Variants in MB21D2 observed in about 807,000 individuals in gnomAD.
MB21D2 encodes the protein nucleotidyltransferase MB21D2.
In MB21D2, 9 loss-of-function variants were observed where a neutral mutation model predicts 33.3. The ratio of observed to expected loss-of-function variants is 0.27; its 90% CI spans 0.16 to 0.47. The LOEUF is 0.47. MB21D2 is among the 20% of genes least tolerant of loss of function. MB21D2 has a pLI of 0.99. For missense variants in MB21D2, 540 were observed against 624.6 expected, an observed-to-expected ratio of 0.86 and a Z score of 1.44; for synonymous variants, 241 against 236.3, an observed-to-expected ratio of 1.02 and a Z score of -0.18.
At chr3:192,912,468 A>T (rs1714377599) in intron 1 of MB21D2, among the ~76,000 whole-genome samples, 1 of 152,168 alleles carries the variant, frequency 6.6e-6, no homozygotes. Context: ...CAGGAGTTCT[A>T]GACCAGCCTT....
intron 1 of MB21D2, among the ~76,000 whole-genome samples, chr3:192,900,269 A>G: frequency 7.1e-6 from 1 of 140,760 alleles, no homozygotes; most frequent in South Asian, 2.4e-4. Flanking sequence ...TGGGTGACAG[A>G]GCAAGACTCT....
intron 1 of MB21D2, among the ~76,000 whole-genome samples, chr3:192,808,621 G>A (rs1711716242): frequency 6.6e-6 from 1 of 152,202 alleles, no homozygotes; most frequent in Non-Finnish European, 1.5e-5. Context: ...CAGCAGGGAT[G>A]GAGTCTCAGT....
chr3:192,815,466 T>C (rs151244844), intron 1 of MB21D2, among the ~76,000 whole-genome samples: 64 of 152,330 alleles, frequency 4.2e-4, no homozygotes, highest in Admixed American at 2.1e-3. Context: ...TGTTTAGCAA[T>C]GTTGAAATGC....
intron 1 of MB21D2, among the ~76,000 whole-genome samples, chr3:192,878,081 C>CTTTTTTTTTTTTTTTTTTTTTT (rs11294126): frequency 1.2e-4 from 14 of 119,534 alleles, no homozygotes; most frequent in Non-Finnish European, 1.8e-4. Context: ...AATTCCTCCT[C>CTTTTTTTTTTTTTTTTTTTTTT]TTTTTTTTTT....
chr3:192,839,197 C>T (rs9881181), intron 1 of MB21D2, among the ~76,000 whole-genome samples: 2 of 151,968 alleles, frequency 1.3e-5, no homozygotes, highest in African/African-American at 4.8e-5. Flanking sequence ...TACTAGCATG[C>T]TTATAAGCAA....
chr3:192,892,768 G>C (rs988402872), intron 1 of MB21D2, among the ~76,000 whole-genome samples: 1 of 152,028 alleles, frequency 6.6e-6, no homozygotes, highest in Non-Finnish European at 1.5e-5. Context: ...TAATACAGCT[G>C]GTACGAGCAG....
At chr3:192,868,064 G>A (rs989234445) in intron 1 of MB21D2, among the ~76,000 whole-genome samples, 1 of 152,160 alleles carries the variant, frequency 6.6e-6, no homozygotes, top group East Asian at 1.9e-4. Flanking sequence ...AGAATCACCA[G>A]ATATAATAAG....
At chr3:192,878,744 G>A (rs548359342) in intron 1 of MB21D2, among the ~76,000 whole-genome samples, 32 of 152,266 alleles carry the variant, frequency 2.1e-4, no homozygotes, top group African/African-American at 7.2e-4. Context: ...CGAGCGGATC[G>A]CTTGAGGTCA....
intron 1 of MB21D2, among the ~76,000 whole-genome samples, chr3:192,858,864 C>T (rs553574715): frequency 6.6e-6 from 1 of 152,304 alleles, no homozygotes; most frequent in African/African-American, 2.4e-5. Flanking sequence ...GCGTACAAAC[C>T]ATCAGCATAA....
chr3:192,817,435 G>A (rs950462154), intron 1 of MB21D2, among the ~76,000 whole-genome samples: 1 of 141,762 alleles, frequency 7.1e-6, no homozygotes, highest in African/African-American at 3.1e-5. Flanking sequence ...AAGGAAGAAG[G>A]GAAAGAAGTG....
intron 1 of MB21D2, among the ~76,000 whole-genome samples, chr3:192,870,732 G>GT (rs1713276516): frequency 4.3e-4 from 54 of 124,166 alleles, no homozygotes; most frequent in African/African-American, 1.7e-3. Flanking sequence ...AAGGAGAGAA[G>GT]AAGGAAGGAA....
At chr3:192,888,485 C>T (rs1713781379) in intron 1 of MB21D2, among the ~76,000 whole-genome samples, 1 of 152,096 alleles carries the variant, frequency 6.6e-6, no homozygotes, top group Non-Finnish European at 1.5e-5. Context: ...AGAATTTCTA[C>T]CCATAGAAAA....
intron 1 of MB21D2, among the ~76,000 whole-genome samples, chr3:192,812,019 T>G (rs1711798231): frequency 6.6e-6 from 1 of 152,094 alleles, no homozygotes; most frequent in Non-Finnish European, 1.5e-5. Context: ...CCGTACTTTC[T>G]TTTGTGTGTG....
Position 192,875,026 on chromosome 3 carries a change from C to A in MB21D2, c.211+42604G>T, listed in dbSNP as rs201332613. ...TAAACTGTCCCTATTAAAAAAAAAA[C>A]AAAAAACTCTTCTATTTATCCTAAT... On this transcript the variant is annotated intron_variant, in intron 1 of 1. Transcript: ENST00000392452. 4.8e-4 allele frequency among the ~76,000 whole-genome samples: 66 copies of A among 136,410 alleles called. No homozygotes were observed. In the Middle Eastern group the frequency reaches 0.015, roughly 30 times the overall value. The allele number at this position is 136,410 out of a possible 152,430, so 89.5% of individuals were successfully genotyped here.
intron 1 of MB21D2, among the ~76,000 whole-genome samples, chr3:192,859,043 T>C (rs78055798): frequency 0.017 from 2,517 of 152,244 alleles, 127 homozygotes; most frequent in East Asian, 0.15. Flanking sequence ...AAGGGGTTCA[T>C]GTGTGCTGGG....
rs186701540 is a variant in MB21D2 at position 192,879,468 on chromosome 3, C to G, written c.211+38162G>C. ...GTGACTAAAACAAACGCCCGCTGGGCCTCAAGGCCTGAACTGCGTCCTTCA... is the reference window on the plus strand; with the variant it reads ...GTGACTAAAACAAACGCCCGCTGGGGCTCAAGGCCTGAACTGCGTCCTTCA... On this transcript the variant is annotated intron_variant, in intron 1 of 1. Coordinates refer to ENST00000392452, the MANE Select transcript of MB21D2 (RefSeq NM_178496.4). Among the ~76,000 whole-genome samples the G allele has an allele frequency of 2.0e-5, 3 of 152,378 alleles. No individual in the cohort carries two copies. The East Asian group carries it at 5.8e-4, about 29-fold the overall frequency.
At chr3:192,825,842 G>A (rs1446270295) in intron 1 of MB21D2, among the ~76,000 whole-genome samples, 2 of 152,280 alleles carry the variant, frequency 1.3e-5, no homozygotes, top group South Asian at 2.1e-4. Context: ...CATCAGTCCC[G>A]CCCCCACATG....
intron 1 of MB21D2, among the ~76,000 whole-genome samples, chr3:192,872,393 G>A (rs929300684): frequency 2.0e-5 from 3 of 151,970 alleles, no homozygotes; most frequent in Non-Finnish European, 2.9e-5. Flanking sequence ...TGGCGAACAC[G>A]GTGAAAACCC....
intron 1 of MB21D2, among the ~76,000 whole-genome samples, chr3:192,857,485 G>A (rs1277350875): frequency 3.3e-5 from 5 of 152,264 alleles, no homozygotes; most frequent in African/African-American, 1.2e-4. Flanking sequence ...AGAAGGAGCC[G>A]AGCACAGCCT....
Sources: allele counts gnomAD v4.1 joint callset (sites outside exome capture counted in the v4.1 genomes callset), GRCh38; gene constraint gnomAD v4.1.1; transcripts MANE v1.5; gene names NCBI Gene and HGNC (gene_info 2026-07-23, HGNC 2026-07-21).